NOL9: variants seen among roughly 807,000 people sequenced by gnomAD.
The protein encoded by NOL9 is polynucleotide 5'-hydroxyl-kinase NOL9.
In NOL9, 28 loss-of-function variants were observed where a neutral mutation model predicts 67.9. The ratio of observed to expected loss-of-function variants is 0.41; its 90% CI spans 0.31 to 0.57. NOL9 has a LOEUF of 0.57. Ranked by LOEUF, NOL9 falls within the 20% of genes least tolerant of loss-of-function variation. NOL9 has a pLI of 0.25. For synonymous variants in NOL9, 356 were observed against 352.2 expected (o/e 1.01, Z -0.12); for missense variants, 777 against 897.0 (o/e 0.87, Z 1.71).
intron 3 of NOL9, 190 bp downstream of exon 3, chr1:6,549,381 G>A (rs1044889112): frequency 2.5e-5 from 14 of 560,174 alleles, no homozygotes; most frequent in African/African-American, 2.3e-4. Context: ...ATGAAACTAA[G>A]GAGGGGAGGA....
Position 6,525,640 on chromosome 1 carries a change from G to A in NOL9, c.*214C>T, listed in dbSNP as rs915824196. 3 of 580,106 alleles carry A rather than the reference G, an allele frequency of 5.2e-6. No homozygotes were observed. The highest frequency in any genetic ancestry group is 1.9e-5 in the African/African-American group (1 of 53,512). The allele number at this position is 580,106 out of a possible 1,614,324, so 35.9% of individuals were successfully genotyped here. A position where few individuals can be genotyped will look rare whatever the true frequency, so the allele number is the denominator to read the frequency against. ...TTTACTCCCTCTGGACAGCAAGTAT[G>A]AGTATCACACAGAAGACTAGAACAA... On this transcript the variant is annotated 3_prime_UTR_variant, in exon 12 of 12. Transcript: ENST00000377705.
intron 5 of NOL9, among the ~76,000 whole-genome samples, chr1:6,542,658 A>C (rs1381463917): frequency 1.4e-5 from 2 of 147,506 alleles, no homozygotes; most frequent in Non-Finnish European, 3.0e-5. Flanking sequence ...GGGGTTTCAC[A>C]GTGTTAGCCA....
intron 7 of NOL9, 92 bp downstream of exon 7, chr1:6,533,188 A>G (rs1639073082): frequency 2.2e-6 from 3 of 1,382,020 alleles, no homozygotes; most frequent in Non-Finnish European, 1.9e-6. Context: ...TAAAAACAAA[A>G]AACAAAACAC....
chr1:6,539,648 C>A (rs1393747336), intron 6 of NOL9, among the ~76,000 whole-genome samples: 3 of 33,912 alleles, frequency 8.8e-5, no homozygotes, highest in Non-Finnish European at 1.8e-4. Context: ...CCAAGCCCAG[C>A]TAACTTTTGT....
intron 4 of NOL9, 59 bp downstream of exon 4, chr1:6,544,986 A>G: frequency 6.2e-7 from 1 of 1,614,004 alleles, no homozygotes; most frequent in Non-Finnish European, 8.5e-7. Context: ...AATTATGACT[A>G]ATCTTCCTCT....
chr1:6,539,405 TC>T lies in NOL9; in HGVS notation c.1075+2424del, dbSNP rs779146009. 9.2e-5 allele frequency among the ~76,000 whole-genome samples: 14 copies of T among 152,224 alleles called. 1 individual carries two copies. Among genetic ancestry groups the T allele is most frequent in the Admixed American group, 3.9e-4 (6 of 15,276 alleles). On this transcript the variant is annotated intron_variant, in intron 6 of 11. Coordinates refer to ENST00000377705, the MANE Select transcript of NOL9 (RefSeq NM_024654.5). ...CCAAAATGTGGAAAGAAGCCAAGTG[TC>T]CCTTAACAGCTGAATGGATAAACTA... is the stretch of plus-strand genomic sequence containing the variant.
chr1:6,551,848 G>C (rs975485547), intron 1 of NOL9, among the ~76,000 whole-genome samples: 1 of 151,918 alleles, frequency 6.6e-6, no homozygotes, highest in African/African-American at 2.4e-5. Flanking sequence ...AGGCTAACAC[G>C]GTGAAACCCC....
chr1:6,549,534 A>T (rs763747150), intron 3 of NOL9, 37 bp downstream of exon 3: 12 of 1,608,284 alleles, frequency 7.5e-6, no homozygotes, highest in Non-Finnish European at 1.0e-5. Flanking sequence ...TTTTGGTGCA[A>T]GTAATTAGCA....
At chr1:6,529,404 C>G (rs1431401488) in intron 9 of NOL9, among the ~76,000 whole-genome samples, 1 of 151,926 alleles carries the variant, frequency 6.6e-6, no homozygotes, top group African/African-American at 2.4e-5. Context: ...GCCTGACCAA[C>G]GTGGTGAAAC....
chr1:6,530,390 G>A (rs1638998508), intron 9 of NOL9, among the ~76,000 whole-genome samples: 1 of 152,198 alleles, frequency 6.6e-6, no homozygotes, highest in Admixed American at 6.5e-5. Flanking sequence ...GGAGGCGGAG[G>A]TTGCAGTGAG....
chr1:6,527,103 C>T (rs537723011), intron 10 of NOL9, among the ~76,000 whole-genome samples: 33 of 152,080 alleles, frequency 2.2e-4, no homozygotes, highest in South Asian at 8.3e-4. Context: ...AAAAATTAGC[C>T]GGGCGTAGTG....
At chr1:6,537,179 C>G (rs985122601) in intron 6 of NOL9, among the ~76,000 whole-genome samples, 1 of 151,898 alleles carries the variant, frequency 6.6e-6, no homozygotes, top group African/African-American at 2.4e-5. Context: ...GCCGGGAAAT[C>G]TGGTTATCCA....
intron 6 of NOL9, among the ~76,000 whole-genome samples, chr1:6,534,370 G>A (rs1257117862): frequency 6.6e-6 from 1 of 152,216 alleles, no homozygotes; most frequent in African/African-American, 2.4e-5. Flanking sequence ...CCTCTGGCCA[G>A]GGACAGGGAG....
intron 6 of NOL9, among the ~76,000 whole-genome samples, chr1:6,535,508 TAGAC>T (rs1431817890): frequency 1.3e-5 from 2 of 152,176 alleles, no homozygotes; most frequent in Non-Finnish European, 2.9e-5. Flanking sequence ...AGGAGCTCAG[TAGAC>T]AGACAGGTCC....
chr1:6,547,411 G>C (rs961710959), intron 3 of NOL9, among the ~76,000 whole-genome samples: 2 of 151,830 alleles, frequency 1.3e-5, no homozygotes, highest in Admixed American at 6.6e-5. Context: ...GTGATTCCTT[G>C]ATTCTTCCTC....
chr1:6,543,607 C>T (rs934673925), intron 5 of NOL9, among the ~76,000 whole-genome samples: 1 of 152,186 alleles, frequency 6.6e-6, no homozygotes, highest in African/African-American at 2.4e-5. Context: ...TCAAGCCAGC[C>T]TCCCACTTTT....
At chr1:6,528,615 A>G (rs1487905246) in intron 10 of NOL9, among the ~76,000 whole-genome samples, 1 of 152,240 alleles carries the variant, frequency 6.6e-6, no homozygotes, top group Non-Finnish European at 1.5e-5. Context: ...CAGGCACTCA[A>G]GTGAAGATGC....
chr1:6,533,506 G>A, intron 6 of NOL9, 65 bp from the exon 7 acceptor site: 1 of 1,242,204 alleles, frequency 8.1e-7, no homozygotes, highest in African/African-American at 1.5e-5. Context: ...TACTTAAAAG[G>A]TGGTGAGGGT....
intron 3 of NOL9, among the ~76,000 whole-genome samples, chr1:6,546,069 C>CA (rs942971081): frequency 1.3e-5 from 2 of 151,934 alleles, no homozygotes; most frequent in Non-Finnish European, 2.9e-5. Flanking sequence ...GTGCAATTAT[C>CA]AATCACTGAG....
Sources: allele counts gnomAD v4.1 joint callset (sites outside exome capture counted in the v4.1 genomes callset), GRCh38; gene constraint gnomAD v4.1.1; transcripts MANE v1.5; gene names NCBI Gene and HGNC (gene_info 2026-07-23, HGNC 2026-07-21).